The following CSMD1 variants were observed in gnomAD, a reference collection of about 807,000 sequenced individuals.
The protein encoded by CSMD1 is CUB and sushi domain-containing protein 1.
In CSMD1, 213 loss-of-function variants were observed where a neutral mutation model predicts 417.5. The observed-to-expected ratio is 0.51, with a 90% CI of 0.46 to 0.57. The LOEUF (loss-of-function observed/expected upper bound fraction) is 0.57. CSMD1 is among the 20% of genes least tolerant of loss of function. CSMD1 has a pLI of 0.00. For missense variants in CSMD1, 6,923 were observed against 4,529.7 expected (o/e 1.53, Z -15.17); for synonymous variants, 2,862 against 1,736.8 (o/e 1.65, Z -16.11).
intron 3 of CSMD1, among the ~76,000 whole-genome samples, chr8:4,074,919 G>A (rs964891661): frequency 4.6e-5 from 7 of 151,990 alleles, no homozygotes; most frequent in Non-Finnish European, 1.0e-4. Context: ...TCTGGATAAG[G>A]CACCACACTT....
At chr8:4,153,235 G>C (rs1052566099) in intron 3 of CSMD1, among the ~76,000 whole-genome samples, 1 of 152,168 alleles carries the variant, frequency 6.6e-6, no homozygotes, top group Non-Finnish European at 1.5e-5. Context: ...GGGAGCTGGA[G>C]AGTATGCCAG....
chr8:3,575,869 C>A (rs1024410500), intron 9 of CSMD1, among the ~76,000 whole-genome samples: 2 of 150,924 alleles, frequency 1.3e-5, no homozygotes, highest in Non-Finnish European at 2.9e-5. Context: ...AATCAATACA[C>A]ATATTTTAGA....
chr8:4,488,436 G>C (rs903247952), intron 2 of CSMD1, among the ~76,000 whole-genome samples: 3 of 152,108 alleles, frequency 2.0e-5, no homozygotes, highest in African/African-American at 7.2e-5. Flanking sequence ...ACAGAGGGCA[G>C]AGGTGAAGTA....
chr8:4,975,962 C>T (rs1041154713), intron 1 of CSMD1, among the ~76,000 whole-genome samples: 15 of 152,156 alleles, frequency 9.9e-5, no homozygotes, highest in Non-Finnish European at 1.5e-4. Context: ...ATGAGAAAAT[C>T]TGCTTGAAAA....
At chr8:4,177,137 G>C (rs1159041121) in intron 3 of CSMD1, among the ~76,000 whole-genome samples, 1 of 152,088 alleles carries the variant, frequency 6.6e-6, no homozygotes, top group African/African-American at 2.4e-5. Context: ...ATGTTTTTCA[G>C]CACCACACCA....
chr8:4,899,866 G>C (rs1250740626), intron 1 of CSMD1, among the ~76,000 whole-genome samples: 3 of 152,258 alleles, frequency 2.0e-5, no homozygotes, highest in African/African-American at 7.2e-5. Flanking sequence ...TCTGGTGTCA[G>C]ACATACCTGG....
At chr8:4,090,253 C>G (rs1800645794) in intron 3 of CSMD1, among the ~76,000 whole-genome samples, 1 of 152,036 alleles carries the variant, frequency 6.6e-6, no homozygotes, top group Non-Finnish European at 1.5e-5. Context: ...TCACGTAAGC[C>G]CTGTTGTCAA....
rs769829559 is a variant in CSMD1, at chr8:3,753,924, C to G, written c.931+6G>C. Reference sequence around the variant, plus strand: ...TTTTTTTTCTTATAAGATGGAGCATCCTTACCTTGGAACTGAGCGTTAAAT... The same window carrying G: ...TTTTTTTTCTTATAAGATGGAGCATGCTTACCTTGGAACTGAGCGTTAAAT... On this transcript the variant is annotated splice_donor_region_variant and intron_variant, in intron 6 of 69. Coordinates refer to ENST00000635120, the MANE Select transcript of CSMD1 (RefSeq NM_033225.6). 1.3e-6 allele frequency: 2 copies of G among 1,584,438 alleles called. No individual in the cohort carries two copies. The highest frequency in any genetic ancestry group is 1.7e-6 in the Non-Finnish European group (2 of 1,155,736).
chr8:4,535,377 G>C (rs967636195), intron 2 of CSMD1, among the ~76,000 whole-genome samples: 1 of 152,062 alleles, frequency 6.6e-6, no homozygotes, highest in Non-Finnish European at 1.5e-5. Flanking sequence ...AGAATAACAA[G>C]TTACTTTTGT....
In CSMD1 at chr8:3,952,674, G is replaced by C. The variant is rs142862321; in HGVS notation, c.818+45229C>G. On this transcript the variant is annotated intron_variant, in intron 5 of 69. Coordinates refer to ENST00000635120, the MANE Select transcript of CSMD1 (RefSeq NM_033225.6). Reference sequence around the variant, plus strand: ...TGATTACAGATTCTGAAATCAAAGAGATATTATTGTTGCACAGCATTGTGA... The same window carrying C: ...TGATTACAGATTCTGAAATCAAAGACATATTATTGTTGCACAGCATTGTGA... Among the ~76,000 whole-genome samples the C allele has an allele frequency of 7.3e-4, 111 of 152,268 alleles. No homozygotes were observed. The East Asian group carries it at 0.015, about 20-fold the overall frequency.
At chr8:4,433,172 G>A (rs1043397207) in intron 2 of CSMD1, among the ~76,000 whole-genome samples, 4 of 152,088 alleles carry the variant, frequency 2.6e-5, no homozygotes, top group African/African-American at 9.7e-5. Context: ...TCTGCATTAT[G>A]GCGAGTTGTA....
chr8:3,768,369 A>T (rs549462908), intron 5 of CSMD1, among the ~76,000 whole-genome samples: 1 of 152,286 alleles, frequency 6.6e-6, no homozygotes, highest in African/African-American at 2.4e-5. Flanking sequence ...GAAATTCCAA[A>T]CACCCAGCCT....
At chr8:4,360,563 C>T (rs535993912) in intron 3 of CSMD1, among the ~76,000 whole-genome samples, 6 of 152,284 alleles carry the variant, frequency 3.9e-5, no homozygotes, top group Admixed American at 1.3e-4. Context: ...GATCTCGGCT[C>T]ACTGCAAGCT....
chr8:4,858,251 G>A (rs1292243296), intron 1 of CSMD1, among the ~76,000 whole-genome samples: 1 of 150,834 alleles, frequency 6.6e-6, no homozygotes, highest in Non-Finnish European at 1.5e-5. Context: ...ATTAGGTATT[G>A]ATGGGACGTA....
At chr8:2,988,872 G>A (rs1374411155) in intron 54 of CSMD1, among the ~76,000 whole-genome samples, 1 of 152,136 alleles carries the variant, frequency 6.6e-6, no homozygotes, top group African/African-American at 2.4e-5. Flanking sequence ...CCCAGGGTGA[G>A]GTGGATGTTG....
At chr8:3,400,962 A>G (rs1285259901) in intron 15 of CSMD1, among the ~76,000 whole-genome samples, 1 of 135,780 alleles carries the variant, frequency 7.4e-6, no homozygotes, top group African/African-American at 2.7e-5. Flanking sequence ...AACAACCAAA[A>G]TTATACTTAT....
At chr8:3,490,516 G>GTAA (rs909853364) in intron 11 of CSMD1, among the ~76,000 whole-genome samples, 2 of 152,008 alleles carry the variant, frequency 1.3e-5, no homozygotes, top group Admixed American at 6.6e-5. Context: ...AGGTGTTTTG[G>GTAA]TAATAATAAT....
chr8:4,509,863 A>G (rs1802721269), intron 2 of CSMD1, among the ~76,000 whole-genome samples: 1 of 152,190 alleles, frequency 6.6e-6, no homozygotes, highest in South Asian at 2.1e-4. Flanking sequence ...GGTGCTTAGT[A>G]GGACAAGAAG....
intron 2 of CSMD1, among the ~76,000 whole-genome samples, chr8:4,498,216 A>C (rs979909609): frequency 6.6e-6 from 1 of 152,170 alleles, no homozygotes; most frequent in African/African-American, 2.4e-5. Context: ...GGGTTGAACG[A>C]TGATTGTTGG....
Sources: gnomAD v4.1 joint callset for allele counts (sites outside exome capture counted in the v4.1 genomes callset) on GRCh38, gnomAD v4.1.1 for gene constraint, MANE v1.5 for transcripts, NCBI Gene and HGNC (gene_info 2026-07-23, HGNC 2026-07-21) for gene names.